The following KNDC1 variants were observed in gnomAD, a reference collection of about 807,000 sequenced individuals.
KNDC1 encodes kinase non-catalytic C-lobe domain containing 1, also known as kinase non-catalytic C-lobe domain-containing protein 1.
In KNDC1, 106 loss-of-function variants were observed where a neutral mutation model predicts 172.8. The ratio of observed to expected loss-of-function variants is 0.61; its 90% CI spans 0.52 to 0.72. The LOEUF is 0.72. KNDC1 is among the 30% of genes least tolerant of loss of function. KNDC1 has a pLI of 0.00. For synonymous variants in KNDC1, 1,083 were observed against 1,062.2 expected (o/e 1.02, Z -0.38); for missense variants, 2,325 against 2,394.5 (o/e 0.97, Z 0.61).
rs996698862 is a variant in KNDC1, at chr10:133,201,747, T to C, written c.3236T>C (p.Leu1079Ser). 1 of 1,579,568 alleles carries C rather than the reference T, an allele frequency of 6.3e-7. No individual in the cohort carries two copies. Among genetic ancestry groups the C allele is most frequent in the Non-Finnish European group, 8.6e-7 (1 of 1,162,588 alleles). ...AGGTCCAAAGGGGTCGGCCCAGCCT[T>C]GTCCCCCGGCCCAGCCGGATTCCAG... The part of the protein sequence containing the change: ...LARSKGVGPA[L>S]SPGPAGFQSC... Residue 1079 changes from leucine (L) to serine (S), a missense_variant, in exon 17 of 30, where the codon TTG (leucine) becomes TCG (serine). By Grantham distance (145) the Leu-to-Ser change is moderately radical. Coordinates refer to ENST00000304613, the MANE Select transcript of KNDC1 (RefSeq NM_152643.8).
chr10:133,183,284 C>T, intron 3 of KNDC1, 60 bp from the exon 4 acceptor site: 2 of 1,489,716 alleles, frequency 1.3e-6, no homozygotes. Flanking sequence ...GAAGTGCTGG[C>T]CGCGGTCGGG....
intron 5 of KNDC1, among the ~76,000 whole-genome samples, chr10:133,185,600 G>A (rs998925794): frequency 1.3e-5 from 2 of 152,028 alleles, no homozygotes; most frequent in Admixed American, 6.5e-5. Context: ...ACATCATCCA[G>A]GTTCTTCCTG....
In KNDC1 at chr10:133,199,460, G is replaced by A. The variant is rs749268256; in HGVS notation, c.2761G>A (p.Glu921Lys). ...DNGLEALIMG[E>K]YIFALKDLTF... ...TCTCCATCGTTTTGCAAAACCAGGGGAGTACATCTTCGCCTTGAAAGATCT... is the reference window on the plus strand; with the variant it reads ...TCTCCATCGTTTTGCAAAACCAGGGAAGTACATCTTCGCCTTGAAAGATCT... The change falls in exon 15 of 30, where the codon GAG (glutamate) becomes AAG (lysine). Residue 921 changes from glutamate to lysine, a missense_variant and splice_region_variant. Coordinates refer to ENST00000304613, the MANE Select transcript of KNDC1 (RefSeq NM_152643.8). 6.2e-7 allele frequency: 1 copy of A among 1,613,588 alleles called. No homozygotes were observed.
chr10:133,160,283 CGCCCCCCGCGCCCCCCGG>C lies in KNDC1; in HGVS notation c.-180_-163del, dbSNP rs1023708941. On this transcript the variant is annotated 5_prime_UTR_variant, in exon 1 of 30. Coordinates refer to ENST00000304613, the MANE Select transcript of KNDC1 (RefSeq NM_152643.8). ...CGCCGCGCAGCCCCCGCGCACCCCGCGCCCCCCGCGCCCCCCGGGCCCGCCCCGTATCCCTGACCGCGT... is the reference window on the plus strand; with the variant it reads ...CGCCGCGCAGCCCCCGCGCACCCCGCGCCCGCCCCGTATCCCTGACCGCGT... 2.1e-5 allele frequency among the ~76,000 whole-genome samples: 2 copies of C among 94,474 alleles called. No individual in the cohort carries two copies. Among genetic ancestry groups the C allele is most frequent in the African/African-American group, 3.1e-5 (1 of 32,406 alleles). 62.0% of individuals were successfully genotyped at this position (94,474 alleles called of 152,430 possible).
At chr10:133,181,957 T>G (rs61863460) in intron 3 of KNDC1, among the ~76,000 whole-genome samples, 6,434 of 152,244 alleles carry the variant, frequency 0.042, 195 homozygotes, top group Middle Eastern at 0.065. Context: ...CTGTGACACT[T>G]TCTGTCTTGT....
chr10:133,166,415 AGGGTGTGTGCACCAAGTGTGGGAAT>A (rs1400151806), intron 1 of KNDC1, among the ~76,000 whole-genome samples: 5 of 152,064 alleles, frequency 3.3e-5, no homozygotes, highest in African/African-American at 9.7e-5. Flanking sequence ...TGTTCCTGTG[AGGGTGTGTGCACCAAGTGTGGGAAT>A]GGGTGTGTGC....
chr10:133,183,538 C>T, intron 4 of KNDC1, 48 bp downstream of exon 4: 1 of 1,538,386 alleles, frequency 6.5e-7, no homozygotes, highest in Non-Finnish European at 8.8e-7. Context: ...CCTGACCCCA[C>T]AGGCCTGGAC....
At chr10:133,196,141 G>C (rs1210621382) in intron 10 of KNDC1, among the ~76,000 whole-genome samples, 1 of 152,158 alleles carries the variant, frequency 6.6e-6, no homozygotes, top group Admixed American at 6.5e-5. Flanking sequence ...GTGTCCTGTG[G>C]GCACGTGCAG....
chr10:133,207,489 G>C, intron 20 of KNDC1, 138 bp downstream of exon 20: 1 of 830,724 alleles, frequency 1.2e-6, no homozygotes, highest in East Asian at 2.7e-5. Context: ...CGGGGTTTAG[G>C]CCAATGTGCA....
Position 133,219,089 on chromosome 10 carries a change from A to C in KNDC1, c.4859A>C (p.Glu1620Ala), listed in dbSNP as rs374409600. ...AEVMEELKAV[E>A]VFLKSDSLCL... ...GTCATGGAGGAGCTGAAAGCCGTGG[A>C]GGTACCAGCACTTTACGTGGCCGGG... Residue 1620 changes from glutamate (E) to alanine (A), a missense_variant and splice_region_variant, in exon 28 of 30, where the codon GAG becomes GCG. Glu to Ala is a moderately radical substitution (Grantham distance 107). Transcript: ENST00000304613. 2 of 1,613,598 alleles carry C rather than the reference A, an allele frequency of 1.2e-6. No homozygotes were observed. The highest frequency in any genetic ancestry group is 1.7e-6 in the Non-Finnish European group (2 of 1,179,858).
At position 133,206,856 on chromosome 10, in the gene KNDC1, G is replaced by T. The variant is rs750962238; in HGVS notation, c.3482G>T (p.Gly1161Val). The T allele has an allele frequency of 7.1e-5, 115 of 1,613,988 alleles. No individual in the cohort carries two copies. Among genetic ancestry groups the T allele is most frequent in the Non-Finnish European group, 4.2e-6 (5 of 1,179,996 alleles). Residue 1161 changes from glycine (G) to valine (V), a missense_variant and splice_region_variant, in exon 19 of 30, where the codon GGT becomes GTT. Gly to Val is a moderately radical substitution (Grantham distance 109, BLOSUM62 -3). Coordinates refer to ENST00000304613, the MANE Select transcript of KNDC1 (RefSeq NM_152643.8). ...CCCACCCACTCTGCTCCACCCACAG[G>T]TTCCGACGTCAAGACCATGCTGTCC... ...KLLQKEKRNK[G>V]SDVKTMLSKL...
intron 3 of KNDC1, among the ~76,000 whole-genome samples, chr10:133,170,128 A>C (rs1853327947): frequency 6.6e-6 from 1 of 152,222 alleles, no homozygotes; most frequent in Admixed American, 6.5e-5. Flanking sequence ...GAAACGCTAC[A>C]TTTAAATCCC....
rs1393970099 is a variant in KNDC1, at chr10:133,225,083, G to A, written c.*193G>A. 6 of 594,636 alleles carry A rather than the reference G, an allele frequency of 1.0e-5. No individual in the cohort carries two copies. Among genetic ancestry groups the A allele is most frequent in the African/African-American group, 5.6e-5 (3 of 53,696 alleles). The allele number at this position is 594,636 out of a possible 1,614,324, so 36.8% of individuals were successfully genotyped here. A position where few individuals can be genotyped will look rare whatever the true frequency, so the allele number is the denominator to read the frequency against. On this transcript the variant is annotated 3_prime_UTR_variant, in exon 30 of 30. Transcript: ENST00000304613. ...CAGAGCTGGTCTCCTCCCAGCAGAC[G>A]GAGCCAGGACGGGCACAAGAGTCTT...
chr10:133,198,677 C>A lies in KNDC1; in HGVS notation c.2169C>A (p.Ser723=). The change falls in exon 14 of 30, where the codon TCC becomes TCA. Residue 723 remains serine, a synonymous_variant. Transcript: ENST00000304613. ...TCTCCCTGGAGGCCCACGCTGGGTC[C>A]CCCAGCCTGAAGACGCCTGACGGGC... ...EKLSLEAHAG[S]PSLKTPDGPV... 6.3e-7 allele frequency: 1 copy of A among 1,591,414 alleles called. No homozygotes were observed. The highest frequency in any genetic ancestry group is 8.5e-7 in the Non-Finnish European group (1 of 1,170,032).
Position 133,197,768 on chromosome 10 carries a change from G to T in KNDC1, c.1906G>T (p.Gly636Cys), listed in dbSNP as rs1554916694. 3 of 1,610,066 alleles carry T rather than the reference G, an allele frequency of 1.9e-6. No individual in the cohort carries two copies. The highest frequency in any genetic ancestry group is 2.5e-6 in the Non-Finnish European group (3 of 1,178,802). Residue 636 changes from glycine to cysteine, a missense_variant and splice_region_variant, in exon 12 of 30, where the codon GGC (glycine) becomes TGC (cysteine). Transcript: ENST00000304613. ...SVAPAPEPSP[G>C]FLPVNSDTGL... ...GGCACCAGCCCCAGAGCCCAGCCCA[G>T]GTGGGGACCTGACCAGCCCCTGCTG... is the stretch of plus-strand genomic sequence containing the variant.
At chr10:133,185,436 CAGTGTGGAATAGGCAG>C in intron 5 of KNDC1, among the ~76,000 whole-genome samples, 1 of 147,060 alleles carries the variant, frequency 6.8e-6, no homozygotes, top group Non-Finnish European at 1.5e-5. Context: ...GCAGTGTGTG[CAGTGTGGAATAGGCAG>C]TGTGTGCAGT....
chr10:133,213,876 G>T, intron 25 of KNDC1, 96 bp from the exon 26 acceptor site: 1 of 1,533,836 alleles, frequency 6.5e-7, no homozygotes. Context: ...GCGGCCTCGT[G>T]GCCCGACCCC....
chr10:133,189,475 G>A, intron 7 of KNDC1, 123 bp from the exon 8 acceptor site: 1 of 880,944 alleles, frequency 1.1e-6, no homozygotes, highest in Non-Finnish European at 1.8e-6. Context: ...GCAGGTGCGT[G>A]CCCGTGCAAT....
In KNDC1 at chr10:133,224,637, T is replaced by C; in HGVS notation, c.5019-22T>C. The C allele has an allele frequency of 6.2e-7, 1 of 1,603,808 alleles. No homozygotes were observed. The highest frequency in any genetic ancestry group is 1.1e-5 in the South Asian group (1 of 90,904). On this transcript the variant is annotated intron_variant, in intron 29 of 29. Transcript: ENST00000304613. This position sits in a 1 kb window ranked among gnomAD's most constrained non-coding sequence, Gnocchi z 5.4. ...CGCCCCTGCCCTGTGCAAACTAACGTCTCTTCTTTCCTCAACGGAAGGAAC... is the reference window on the plus strand; with the variant it reads ...CGCCCCTGCCCTGTGCAAACTAACGCCTCTTCTTTCCTCAACGGAAGGAAC...
Sources: gnomAD v4.1 joint callset for allele counts (sites outside exome capture counted in the v4.1 genomes callset) on GRCh38, gnomAD v4.1.1 for gene constraint, Gnocchi (gnomAD v3.1) non-coding constraint, MANE v1.5 for transcripts, NCBI Gene and HGNC (gene_info 2026-07-23, HGNC 2026-07-21) for gene names.